TMEM229B: variants seen among roughly 807,000 people sequenced by gnomAD.
TMEM229B encodes chromosome 14 open reading frame 83.
TMEM229B carries 6 observed loss-of-function variants against 13.7 expected under a neutral mutation model. The ratio of observed to expected loss-of-function variants is 0.44; its 90% CI spans 0.24 to 0.86. The LOEUF is 0.86. Ranked by LOEUF, TMEM229B falls within the 40% of genes least tolerant of loss-of-function variation. The pLI, the probability that TMEM229B is intolerant of heterozygous loss-of-function variation, is 0.23. For missense variants in TMEM229B, 170 were observed against 236.0 expected (o/e 0.72, Z 1.83); for synonymous variants, 107 against 102.1 (o/e 1.05, Z -0.29).
At chr14:67,475,723 G>A (rs2031144891) in intron 2 of TMEM229B, among the ~76,000 whole-genome samples, 1 of 152,126 alleles carries the variant, frequency 6.6e-6, no homozygotes, top group Non-Finnish European at 1.5e-5. Flanking sequence ...AGTCCTTCTG[G>A]CTCCTTTCCC....
intron 1 of TMEM229B, among the ~76,000 whole-genome samples, chr14:67,494,012 A>C (rs771213030): frequency 1.3e-5 from 2 of 152,066 alleles, no homozygotes; most frequent in Non-Finnish European, 2.9e-5. Flanking sequence ...AACAGTCCAC[A>C]GGAAAGACCA....
At chr14:67,517,153 G>A (rs571088055), upstream of TMEM229B, among the ~76,000 whole-genome samples, 10 of 152,298 alleles carry the variant, frequency 6.6e-5, no homozygotes, top group East Asian at 1.9e-3. Flanking sequence ...GGGACACGCT[G>A]GCAAGAAGCA....
chr14:67,506,272 G>C (rs2032823271), intron 1 of TMEM229B, among the ~76,000 whole-genome samples: 1 of 152,098 alleles, frequency 6.6e-6, no homozygotes, highest in Admixed American at 6.6e-5. Context: ...AAGACTTAAA[G>C]TGATCACAGA....
At position 67,505,320 on chromosome 14, in the gene TMEM229B, G is replaced by A. The variant is rs370089238; in HGVS notation, c.-192+9766C>T. Among the ~76,000 whole-genome samples, 15 of 152,256 alleles carry A rather than the reference G, an allele frequency of 9.9e-5. No individual in the cohort carries two copies. In the South Asian group the frequency reaches 3.1e-3, roughly 32 times the overall value. ...AAACTGGCCCTCCTGTCAAGCTGGT[G>A]AGAGGGGAATTCACCAGGACCACTC... On this transcript the variant is annotated intron_variant, in intron 1 of 2. Coordinates refer to the TMEM229B transcript ENST00000357461.
upstream of TMEM229B, among the ~76,000 whole-genome samples, chr14:67,489,749 G>A (rs958899669): frequency 6.6e-6 from 1 of 152,198 alleles, no homozygotes; most frequent in Non-Finnish European, 1.5e-5. Flanking sequence ...CCAGCACATT[G>A]GGAGGCCGAG....
chr14:67,529,905 G>C (rs2033420371), intron 1 of TMEM229B, among the ~76,000 whole-genome samples: 1 of 152,180 alleles, frequency 6.6e-6, no homozygotes, highest in African/African-American at 2.4e-5. Flanking sequence ...CCTTCCAACA[G>C]TAACTGAGAA....
At chr14:67,500,351 G>GT (rs1273937234) in intron 1 of TMEM229B, among the ~76,000 whole-genome samples, 1 of 151,832 alleles carries the variant, frequency 6.6e-6, no homozygotes, top group Non-Finnish European at 1.5e-5. Flanking sequence ...GCGGGCGCCT[G>GT]TAATCCCAGC....
upstream of TMEM229B, among the ~76,000 whole-genome samples, chr14:67,518,781 G>T (rs771862968): frequency 6.6e-6 from 1 of 152,142 alleles, no homozygotes; most frequent in Non-Finnish European, 1.5e-5. Context: ...GGTTCCCAGG[G>T]GCTGCCCTCT....
chr14:67,527,429 A>T (rs1245580714), intron 1 of TMEM229B, among the ~76,000 whole-genome samples: 1 of 151,908 alleles, frequency 6.6e-6, no homozygotes, highest in African/African-American at 2.4e-5. Flanking sequence ...CAAGAGTGAA[A>T]CTCCATCTCA....
chr14:67,472,663 G>C lies in TMEM229B; in HGVS notation c.*757C>G, dbSNP rs2030830234. ...AGCTCCTGTGCTGGCTAGGGAGCTG[G>C]GGTGGGGCAGGTGTGGCGACCGACG... is the stretch of plus-strand genomic sequence containing the variant. On this transcript the variant is annotated 3_prime_UTR_variant, in exon 3 of 3. Transcript: ENST00000554480. 1 of 152,890 alleles carries C rather than the reference G, an allele frequency of 6.5e-6. No individual in the cohort carries two copies. The highest frequency in any genetic ancestry group is 2.4e-5 in the African/African-American group (1 of 41,434). The allele number at this position is 152,890 out of a possible 1,614,324, so 9.5% of individuals were successfully genotyped here.
rs1221612438 is a variant in TMEM229B at position 67,473,599 on chromosome 14, C to T, written c.325G>A (p.Asp109Asn). The T allele has an allele frequency of 3.7e-6, 6 of 1,604,714 alleles. No homozygotes were observed. Among genetic ancestry groups the T allele is most frequent in the Non-Finnish European group, 5.1e-6 (6 of 1,175,644 alleles). Residue 109 changes from aspartate (D) to asparagine (N), a missense_variant, in exon 3 of 3, where the codon GAC (aspartate) becomes AAC (asparagine). This residue lies in a region of TMEM229B where 57 missense variants were observed against 66.7 expected (regional missense o/e 0.85). Coordinates refer to ENST00000554480, the MANE Select transcript of TMEM229B (RefSeq NM_001348543.2). The surrounding 1 kb of genome is among the most constrained non-coding windows in gnomAD (Gnocchi z 6.5). The part of the protein sequence containing the change: ...NACPWDYSQF[D>N]FDFMGLITLE... ...GTGATGAGGCCCATGAAGTCAAAGT[C>T]GAACTGGGAGTAGTCCCAGGGGCAG...
chr14:67,496,284 G>T (rs1471049653), intron 1 of TMEM229B, among the ~76,000 whole-genome samples: 1 of 151,090 alleles, frequency 6.6e-6, no homozygotes, highest in East Asian at 1.9e-4. Context: ...GTAGAAACAG[G>T]GTTTTGTCAT....
chr14:67,502,939 A>T (rs1184225941), intron 1 of TMEM229B, among the ~76,000 whole-genome samples: 1 of 152,208 alleles, frequency 6.6e-6, no homozygotes, highest in South Asian at 2.1e-4. Context: ...TAGTGGAGAC[A>T]ATATGGTAAG....
upstream of TMEM229B, chr14:67,488,726 C>G (rs950872916): frequency 6.6e-6 from 1 of 152,422 alleles, no homozygotes; most frequent in Non-Finnish European, 1.5e-5. Context: ...AGAACTAAAA[C>G]AGAAACAGAA....
intron 1 of TMEM229B, among the ~76,000 whole-genome samples, chr14:67,532,349 G>C (rs574507908): frequency 8.3e-4 from 127 of 152,304 alleles, no homozygotes; most frequent in African/African-American, 2.9e-3. Context: ...AGAGCCTGCA[G>C]GGTTGAGGAA....
chr14:67,508,509 C>A (rs114654422), intron 1 of TMEM229B, among the ~76,000 whole-genome samples: 1 of 152,058 alleles, frequency 6.6e-6, no homozygotes, highest in Admixed American at 6.6e-5. Flanking sequence ...TACAGCCTCA[C>A]GCTAGCTCTC....
upstream of TMEM229B, among the ~76,000 whole-genome samples, chr14:67,491,582 G>A (rs977945893): frequency 1.3e-5 from 2 of 152,098 alleles, no homozygotes; most frequent in Non-Finnish European, 1.5e-5. Flanking sequence ...ACAGGGACCC[G>A]GGACAAAGAC....
intron 1 of TMEM229B, among the ~76,000 whole-genome samples, chr14:67,528,175 A>AGAT (rs908135973): frequency 6.6e-6 from 1 of 152,128 alleles, no homozygotes; most frequent in Non-Finnish European, 1.5e-5. Context: ...TCTGCTGAGG[A>AGAT]GATAATAATA....
intron 1 of TMEM229B, among the ~76,000 whole-genome samples, chr14:67,526,426 G>A (rs776314165): frequency 1.4e-4 from 22 of 152,236 alleles, no homozygotes; most frequent in Non-Finnish European, 2.8e-4. Flanking sequence ...TTTTGGTCTT[G>A]TGCTTTGCAC....
Sources: allele counts gnomAD v4.1 joint callset (sites outside exome capture counted in the v4.1 genomes callset), GRCh38; gene constraint gnomAD v4.1.1; regional missense constraint gnomAD v4.1.1; non-coding constraint Gnocchi (gnomAD v3.1); transcripts MANE v1.5; gene names NCBI Gene and HGNC (gene_info 2026-07-23, HGNC 2026-07-21).